Variants in FAM169A observed in about 807,000 individuals in gnomAD.
The protein encoded by FAM169A is soluble lamin-associated protein of 75 kDa.
A neutral mutation model predicts 75.7 loss-of-function variants in FAM169A; 24 were observed. That is an observed-to-expected ratio of 0.32 (90% confidence interval 0.23 to 0.45). The LOEUF is 0.45. FAM169A is among the 20% of genes least tolerant of loss of function. The pLI is 1.00. For synonymous variants in FAM169A, 271 were observed against 271.0 expected (o/e 1.00, Z 0.00); for missense variants, 673 against 784.0 (o/e 0.86, Z 1.69).
At chr5:74,839,331 G>A (rs1011227078) in intron 3 of FAM169A, among the ~76,000 whole-genome samples, 2 of 151,920 alleles carry the variant, frequency 1.3e-5, no homozygotes, top group African/African-American at 4.8e-5. Flanking sequence ...TCGATCATGG[G>A]TCAGGGTGGG....
At chr5:74,856,926 G>A (rs1004394416) in intron 1 of FAM169A, among the ~76,000 whole-genome samples, 28 of 151,178 alleles carry the variant, frequency 1.9e-4, no homozygotes, top group African/African-American at 2.9e-4. Flanking sequence ...TGACTAACAC[G>A]GTGAAACCCC....
chr5:74,800,017 A>C (rs1746481603), intron 10 of FAM169A: 1 of 775,660 alleles, frequency 1.3e-6, no homozygotes, highest in Non-Finnish European at 2.3e-6. Context: ...GATTGTCGCA[A>C]ATATTGCACT....
intron 11 of FAM169A, among the ~76,000 whole-genome samples, chr5:74,787,040 G>A (rs566724789): frequency 6.6e-6 from 1 of 152,244 alleles, no homozygotes; most frequent in Admixed American, 6.5e-5. Flanking sequence ...ACCTATAACT[G>A]GACTAAAGTC....
intron 5 of FAM169A, among the ~76,000 whole-genome samples, chr5:74,818,220 T>G (rs981441943): frequency 1.3e-5 from 2 of 152,020 alleles, no homozygotes; most frequent in South Asian, 2.1e-4. Flanking sequence ...GTAAGACAAC[T>G]CACAGAATGG....
In FAM169A at chr5:74,781,370, C is replaced by A; in HGVS notation, c.*90G>T. The A allele has an allele frequency of 7.7e-7, 1 of 1,305,096 alleles. No individual in the cohort carries two copies. Among genetic ancestry groups the A allele is most frequent in the Non-Finnish European group, 1.1e-6 (1 of 946,142 alleles). 80.8% of individuals were successfully genotyped at this position (1,305,096 alleles called of 1,614,324 possible). A position where few individuals can be genotyped will look rare whatever the true frequency, so the allele number is the denominator to read the frequency against. On this transcript the variant is annotated 3_prime_UTR_variant, in exon 13 of 13. Transcript: ENST00000687041. ...AATTGAAATTTTGGAAATTTTTGTC[C>A]TGTGCCCCATGCTGTTTATTAATTA... is the stretch of plus-strand genomic sequence containing the variant.
At chr5:74,850,315 T>C (rs952810033) in intron 1 of FAM169A, among the ~76,000 whole-genome samples, 1 of 152,206 alleles carries the variant, frequency 6.6e-6, no homozygotes, top group African/African-American at 2.4e-5. Context: ...GCACAGCATC[T>C]CAGGCAGCCC....
chr5:74,838,326 G>T (rs113439751), intron 4 of FAM169A, among the ~76,000 whole-genome samples: 126 of 152,158 alleles, frequency 8.3e-4, no homozygotes, highest in African/African-American at 2.9e-3. Flanking sequence ...AGCCACCAAA[G>T]ATTTCATCTT....
intron 11 of FAM169A, 146 bp from the exon 12 acceptor site, chr5:74,783,280 T>C (rs572589660): frequency 1.7e-6 from 1 of 605,800 alleles, no homozygotes; most frequent in African/African-American, 1.8e-5. Context: ...AGAACAGTCT[T>C]ACTGGGGGAA....
intron 5 of FAM169A, among the ~76,000 whole-genome samples, chr5:74,829,589 T>G (rs1470176443): frequency 6.6e-6 from 1 of 151,726 alleles, no homozygotes; most frequent in Non-Finnish European, 1.5e-5. Flanking sequence ...GCCTAGGAGG[T>G]TGAGGTTGTA....
At chr5:74,810,884 C>CACT (rs2112565701) in intron 6 of FAM169A, among the ~76,000 whole-genome samples, 1 of 138,938 alleles carries the variant, frequency 7.2e-6, no homozygotes, top group Non-Finnish European at 1.5e-5. Context: ...TGCAGTGGCT[C>CACT]ACTACAGCCT....
Position 74,813,754 on chromosome 5 carries a change from A to T in FAM169A, c.670+86T>A. The T allele has an allele frequency of 3.9e-6, 4 of 1,021,896 alleles. No individual in the cohort carries two copies. The South Asian group carries it at 9.0e-5, about 23-fold the overall frequency. The allele number at this position is 1,021,896 out of a possible 1,614,324, so 63.3% of individuals were successfully genotyped here. A position where few individuals can be genotyped will look rare whatever the true frequency, so the allele number is the denominator to read the frequency against. On this transcript the variant is annotated intron_variant, in intron 6 of 12. Coordinates refer to ENST00000687041, the MANE Select transcript of FAM169A (RefSeq NM_001376049.1). ...AAGGTTCCAAATTTATGTGATACTG[A>T]TATATACACATTTACCGTATTTTGA... is the stretch of plus-strand genomic sequence containing the variant.
upstream of FAM169A, chr5:74,866,869 CGGG>C: frequency 1.0e-6 from 1 of 985,514 alleles, no homozygotes. Flanking sequence ...GCAGAGGGCA[CGGG>C]CGAGGACCGC....
chr5:74,861,548 C>T (rs1332206953), intron 1 of FAM169A, among the ~76,000 whole-genome samples: 2 of 152,122 alleles, frequency 1.3e-5, no homozygotes, highest in African/African-American at 2.4e-5. Context: ...AACCCCATTT[C>T]TACTAAAAAT....
chr5:74,780,121 GTT>G lies in FAM169A; in HGVS notation c.*1337_*1338del, dbSNP rs1053786206. 1.3e-5 allele frequency: 2 copies of G among 151,872 alleles called. No homozygotes were observed. The highest frequency in any genetic ancestry group is 4.8e-5 in the African/African-American group (2 of 41,352). The allele number at this position is 151,872 out of a possible 1,614,324, so 9.4% of individuals were successfully genotyped here. A position where few individuals can be genotyped will look rare whatever the true frequency, so the allele number is the denominator to read the frequency against. On this transcript the variant is annotated 3_prime_UTR_variant, in exon 13 of 13. Coordinates refer to ENST00000687041, the MANE Select transcript of FAM169A (RefSeq NM_001376049.1). The stretch of plus-strand genomic sequence containing the variant: ...AAATTACAAAAAATAACAGTTCAGT[GTT>G]TTTTTTCTTCAAATTTTCCTAGGCC...
In FAM169A at chr5:74,856,981, C is replaced by T. The variant is rs536174016; in HGVS notation, c.-4+9184G>A. On this transcript the variant is annotated intron_variant, in intron 1 of 12. Transcript: ENST00000687041. The stretch of plus-strand genomic sequence containing the variant: ...AAAATTAGCCTGGTGTGGTGGTGGG[C>T]GCCTGTAGTCCCAGCCACTCGGGAG... Among the ~76,000 whole-genome samples the T allele has an allele frequency of 5.6e-4, 85 of 151,386 alleles. 1 individual carries two copies. The highest frequency in any genetic ancestry group is 1.8e-3 in the African/African-American group (76 of 41,272).
intron 1 of FAM169A, among the ~76,000 whole-genome samples, chr5:74,850,090 G>A (rs182959879): frequency 2.6e-5 from 4 of 152,258 alleles, no homozygotes; most frequent in Admixed American, 6.5e-5. Flanking sequence ...GTTCTATTCC[G>A]AACACTTCAC....
chr5:74,851,583 T>C (rs568552593), intron 1 of FAM169A, among the ~76,000 whole-genome samples: 1 of 152,256 alleles, frequency 6.6e-6, no homozygotes, highest in African/African-American at 2.4e-5. Context: ...AATTAATAGA[T>C]ATTTAAGAGA....
chr5:74,833,120 A>C (rs1376891602), intron 5 of FAM169A, among the ~76,000 whole-genome samples: 1 of 152,144 alleles, frequency 6.6e-6, no homozygotes, highest in Non-Finnish European at 1.5e-5. Flanking sequence ...AGCCCTCAAT[A>C]CAAAAGTATA....
intron 1 of FAM169A, among the ~76,000 whole-genome samples, chr5:74,848,456 T>C (rs559420566): frequency 3.3e-5 from 5 of 152,258 alleles, no homozygotes; most frequent in African/African-American, 1.2e-4. Context: ...CAAAATCAAA[T>C]ATAGTATTTG....
Sources: gnomAD v4.1 joint callset for allele counts (sites outside exome capture counted in the v4.1 genomes callset) on GRCh38, gnomAD v4.1.1 for gene constraint, MANE v1.5 for transcripts, NCBI Gene and HGNC (gene_info 2026-07-23, HGNC 2026-07-21) for gene names.